MBD5: variants seen among roughly 807,000 people sequenced by gnomAD.
MBD5 encodes methyl-CpG-binding domain protein 5.
Under a neutral mutation model 117.3 loss-of-function variants are expected in MBD5, and 13 were observed. The observed-to-expected ratio is 0.11, with a 90% CI of 0.07 to 0.18. MBD5 has a LOEUF of 0.18. Among genes scored for constraint, MBD5 ranks in the 10% least tolerant of loss-of-function variants. The probability of loss-of-function intolerance (pLI) is 1.00; values close to 1 mark genes in which losing one functional copy is unlikely to be tolerated. For missense variants in MBD5, 1,879 were observed against 2,093.8 expected (o/e 0.90, Z 2.00); for synonymous variants, 727 against 766.4 (o/e 0.95, Z 0.85).
intron 1 of MBD5, among the ~76,000 whole-genome samples, chr2:148,070,253 C>G (rs1695314769): frequency 6.6e-6 from 1 of 152,196 alleles, no homozygotes; most frequent in Non-Finnish European, 1.5e-5. Context: ...ACCTCCAGTT[C>G]TATCCATGTT....
intron 12 of MBD5, among the ~76,000 whole-genome samples, chr2:148,508,324 T>C (rs1170014615): frequency 1.3e-5 from 2 of 152,056 alleles, no homozygotes; most frequent in Non-Finnish European, 2.9e-5. Flanking sequence ...AATGAATAGA[T>C]TATACAAACT....
At chr2:148,433,093 C>T (rs750610040) in intron 4 of MBD5, among the ~76,000 whole-genome samples, 7 of 151,910 alleles carry the variant, frequency 4.6e-5, no homozygotes, top group Non-Finnish European at 8.8e-5. Context: ...CCCTGGTTAG[C>T]TATATTCTTA....
intron 4 of MBD5, among the ~76,000 whole-genome samples, chr2:148,377,325 A>AGGTTAAGGGTGGG (rs1704018681): frequency 6.6e-6 from 1 of 152,168 alleles, no homozygotes; most frequent in East Asian, 1.9e-4. Context: ...GTGTCTACCC[A>AGGTTAAGGGTGGG]GGTTAAGGGT....
At position 148,303,985 on chromosome 2, in the gene MBD5, C is replaced by T. The variant is rs141544070; in HGVS notation, c.-679-38229C>T. 7.4e-3 allele frequency among the ~76,000 whole-genome samples: 1,129 copies of T among 152,228 alleles called. 10 individuals are homozygous for T. Among genetic ancestry groups the T allele is most frequent in the Non-Finnish European group, 9.9e-3 (674 of 68,018 alleles). On this transcript the variant is annotated intron_variant, in intron 3 of 13. Transcript: ENST00000642680. ...GAGTACAAATGACCTCAAAGCCTAACGCTGATGAACTGAGCCAACTTATAA... is the reference window on the plus strand; with the variant it reads ...GAGTACAAATGACCTCAAAGCCTAATGCTGATGAACTGAGCCAACTTATAA...
intron 1 of MBD5, among the ~76,000 whole-genome samples, chr2:148,104,468 G>A (rs1187020089): frequency 4.6e-5 from 7 of 152,036 alleles, no homozygotes; most frequent in African/African-American, 1.7e-4. Flanking sequence ...TATTATTTTT[G>A]TTCCTTTGGA....
At chr2:148,251,166 C>T (rs1482594442) in intron 3 of MBD5, among the ~76,000 whole-genome samples, 1 of 152,120 alleles carries the variant, frequency 6.6e-6, no homozygotes, top group Admixed American at 6.5e-5. Context: ...CTCTTCAGAA[C>T]AGTGCAAGAA....
At chr2:148,153,434 C>T (rs1392566583) in intron 1 of MBD5, among the ~76,000 whole-genome samples, 4 of 140,170 alleles carry the variant, frequency 2.9e-5, no homozygotes, top group East Asian at 2.2e-4. Flanking sequence ...TTGCTCTTCT[C>T]GAGGAGTATC....
At chr2:148,195,931 A>G (rs1004780381) in intron 2 of MBD5, among the ~76,000 whole-genome samples, 1 of 152,228 alleles carries the variant, frequency 6.6e-6, no homozygotes, top group Non-Finnish European at 1.5e-5. Flanking sequence ...AAAGCAAATT[A>G]AACTAACCAA....
chr2:148,142,280 A>G (rs1367033600), intron 1 of MBD5, among the ~76,000 whole-genome samples: 1 of 152,132 alleles, frequency 6.6e-6, no homozygotes, highest in African/African-American at 2.4e-5. Flanking sequence ...AATAATAAAT[A>G]CCCACACTCA....
chr2:148,270,714 A>AT lies in MBD5; in HGVS notation c.-680+37329dup, dbSNP rs568541580. 2.1e-4 allele frequency among the ~76,000 whole-genome samples: 32 copies of AT among 149,062 alleles called. 1 individual carries two copies. Among genetic ancestry groups the AT allele is most frequent in the South Asian group, 6.4e-4 (3 of 4,668 alleles). On this transcript the variant is annotated intron_variant, in intron 3 of 13. Transcript: ENST00000642680. ...TCACAACTTTGTCTTCTGACTTTCA[A>AT]TTTTTTTTTTGTTTTCAGCCTCATA...
chr2:148,147,526 C>A (rs1386575074), intron 1 of MBD5, among the ~76,000 whole-genome samples: 1 of 152,152 alleles, frequency 6.6e-6, no homozygotes, highest in African/African-American at 2.4e-5. Flanking sequence ...AGGTGTGAGT[C>A]ACCATGCCCA....
At chr2:148,361,679 G>A (rs1280295336) in intron 4 of MBD5, among the ~76,000 whole-genome samples, 1 of 152,148 alleles carries the variant, frequency 6.6e-6, no homozygotes, top group African/African-American at 2.4e-5. Flanking sequence ...CCATAGTTTG[G>A]ACAACAATCA....
intron 1 of MBD5, among the ~76,000 whole-genome samples, chr2:148,073,920 A>T (rs1211020273): frequency 6.6e-6 from 1 of 152,202 alleles, no homozygotes; most frequent in Admixed American, 6.5e-5. Context: ...GTAAAACAGC[A>T]TATCATGTAT....
At chr2:148,395,426 C>CTT (rs397758785) in intron 4 of MBD5, among the ~76,000 whole-genome samples, 4,985 of 123,910 alleles carry the variant, frequency 0.04, 219 homozygotes, top group South Asian at 0.049. Context: ...CCCAACTCAT[C>CTT]TTTTTTTTTT....
At chr2:148,106,699 T>G (rs1286800704) in intron 1 of MBD5, among the ~76,000 whole-genome samples, 1 of 151,992 alleles carries the variant, frequency 6.6e-6, no homozygotes, top group African/African-American at 2.4e-5. Context: ...AGTTTGGAAT[T>G]CATGCAGTCT....
At chr2:148,178,339 AG>A (rs1220275422) in intron 1 of MBD5, among the ~76,000 whole-genome samples, 1 of 152,222 alleles carries the variant, frequency 6.6e-6, no homozygotes, top group African/African-American at 2.4e-5. Context: ...AATTTTGAGC[AG>A]GGAAACTATT....
At chr2:148,203,499 A>G (rs895835096) in intron 2 of MBD5, among the ~76,000 whole-genome samples, 4 of 152,086 alleles carry the variant, frequency 2.6e-5, no homozygotes, top group Admixed American at 2.6e-4. Flanking sequence ...TGTTATTACT[A>G]CTGTTCTTCT....
intron 1 of MBD5, among the ~76,000 whole-genome samples, chr2:148,118,831 G>C (rs1485657123): frequency 6.6e-6 from 1 of 152,008 alleles, no homozygotes; most frequent in African/African-American, 2.4e-5. Flanking sequence ...AAGTTTTCAT[G>C]GTTTATCCAT....
chr2:148,041,012 G>T (rs992683317), intron 1 of MBD5, among the ~76,000 whole-genome samples: 9 of 152,210 alleles, frequency 5.9e-5, no homozygotes, highest in African/African-American at 2.2e-4. Context: ...ACCCAGGCTG[G>T]AGTGCAGCAG....
Sources: allele counts gnomAD v4.1 joint callset (sites outside exome capture counted in the v4.1 genomes callset), GRCh38; gene constraint gnomAD v4.1.1; transcripts MANE v1.5; gene names NCBI Gene and HGNC (gene_info 2026-07-23, HGNC 2026-07-21).